BTRC: variants seen among roughly 807,000 people sequenced by gnomAD.
The protein encoded by BTRC is beta-transducin repeat containing E3 ubiquitin protein ligase.
Under a neutral mutation model 85.5 loss-of-function variants are expected in BTRC, and 42 were observed. That is an observed-to-expected ratio of 0.49 (90% CI 0.38 to 0.64). BTRC has a LOEUF of 0.64. Among genes scored for constraint, BTRC ranks in the 30% least tolerant of loss-of-function variants. The probability of loss-of-function intolerance (pLI) is 0.00; values close to 1 mark genes in which losing one functional copy is unlikely to be tolerated. For missense variants in BTRC, 594 were observed against 743.5 expected (o/e 0.80, Z 2.34); for synonymous variants, 255 against 263.3 (o/e 0.97, Z 0.30).
rs796145158 is a variant in BTRC at position 101,464,541 on chromosome 10, A to ACC, written c.234+2490_234+2491dup. 4.7e-4 allele frequency among the ~76,000 whole-genome samples: 15 copies of ACC among 31,916 alleles called. No homozygotes were observed. In the South Asian group the frequency reaches 0.012, roughly 25 times the overall value. 20.9% of individuals were successfully genotyped at this position (31,916 alleles called of 152,430 possible). ...CTTTAATTTAACAACCTTCCCCCCCACCCCCCCCATGGTGCTTTGAAATGA... is the reference window on the plus strand; with the variant it reads ...CTTTAATTTAACAACCTTCCCCCCCACCCCCCCCCCATGGTGCTTTGAAATGA... On this transcript the variant is annotated intron_variant, in intron 3 of 14. Transcript: ENST00000370187.
rs1195947969 is a variant in BTRC at position 101,554,427 on chromosome 10, T to C, written c.*1304T>C. 6.6e-6 allele frequency: 1 copy of C among 152,378 alleles called. No homozygotes were observed. Among genetic ancestry groups the C allele is most frequent in the Non-Finnish European group, 1.5e-5 (1 of 67,936 alleles). 9.4% of individuals were successfully genotyped at this position (152,378 alleles called of 1,614,324 possible). On this transcript the variant is annotated 3_prime_UTR_variant, in exon 15 of 15. Coordinates refer to ENST00000370187, the MANE Select transcript of BTRC (RefSeq NM_033637.4). Reference sequence around the variant, plus strand: ...CACTGTTTTTGTTTTTTTTGTTGTTTTGTTTTGTTTTGGCCAGTTAAATAT... The same window carrying C: ...CACTGTTTTTGTTTTTTTTGTTGTTCTGTTTTGTTTTGGCCAGTTAAATAT...
chr10:101,399,409 T>C (rs748297556), intron 1 of BTRC, among the ~76,000 whole-genome samples: 2 of 151,360 alleles, frequency 1.3e-5, no homozygotes, highest in Non-Finnish European at 2.9e-5. Flanking sequence ...GTATGACTCA[T>C]GACTTAGGTC....
intron 4 of BTRC, among the ~76,000 whole-genome samples, chr10:101,511,806 C>T (rs763565745): frequency 5.9e-5 from 9 of 152,168 alleles, no homozygotes; most frequent in African/African-American, 2.2e-4. Flanking sequence ...GGATTACAGG[C>T]GTGAGCCACC....
chr10:101,369,802 T>G (rs796536532), intron 1 of BTRC, among the ~76,000 whole-genome samples: 52 of 152,380 alleles, frequency 3.4e-4, no homozygotes, highest in African/African-American at 1.2e-3. Context: ...TTCGATAATT[T>G]CATAATTGTA....
intron 1 of BTRC, among the ~76,000 whole-genome samples, chr10:101,427,997 A>G (rs1944305788): frequency 6.6e-6 from 1 of 152,202 alleles, no homozygotes; most frequent in South Asian, 2.1e-4. Context: ...AACAGCAAGG[A>G]AGCTTTTTTT....
intron 1 of BTRC, among the ~76,000 whole-genome samples, chr10:101,356,115 G>A (rs1437363228): frequency 6.6e-6 from 1 of 152,184 alleles, no homozygotes; most frequent in Non-Finnish European, 1.5e-5. Context: ...CGATTCTCCT[G>A]CCTCAGCCTC....
chr10:101,512,088 T>C lies in BTRC; in HGVS notation c.325-9551T>C, dbSNP rs1589575287. 3.3e-5 allele frequency among the ~76,000 whole-genome samples: 5 copies of C among 152,212 alleles called. No individual in the cohort carries two copies. In the South Asian group the frequency reaches 8.3e-4, roughly 25 times the overall value. ...ACTTTGTATGCCTGTTCACAGCAGTTTCCCTATTACCTGGTAAAGTGCCCA... is the reference window on the plus strand; with the variant it reads ...ACTTTGTATGCCTGTTCACAGCAGTCTCCCTATTACCTGGTAAAGTGCCCA... On this transcript the variant is annotated intron_variant, in intron 4 of 14. Coordinates refer to ENST00000370187, the MANE Select transcript of BTRC (RefSeq NM_033637.4).
At chr10:101,370,851 G>T (rs1301562961) in intron 1 of BTRC, among the ~76,000 whole-genome samples, 1 of 151,908 alleles carries the variant, frequency 6.6e-6, no homozygotes, top group Non-Finnish European at 1.5e-5. Context: ...GGATGCTGGG[G>T]TTACAGGTGT....
chr10:101,412,264 T>C (rs1467137149), intron 1 of BTRC, among the ~76,000 whole-genome samples: 3 of 152,242 alleles, frequency 2.0e-5, no homozygotes, highest in Non-Finnish European at 4.4e-5. Context: ...ACTAATTCTT[T>C]TTAGCCTTCA....
intron 6 of BTRC, 74 bp from the exon 7 acceptor site, chr10:101,531,161 ACT>A (rs2062274724): frequency 8.2e-7 from 1 of 1,221,736 alleles, no homozygotes; most frequent in East Asian, 2.4e-5. Context: ...ACAGAGCGAG[ACT>A]CTGTCTCAAA....
chr10:101,520,967 CAAAA>C, intron 4 of BTRC, among the ~76,000 whole-genome samples: 1 of 147,104 alleles, frequency 6.8e-6, no homozygotes, highest in South Asian at 2.2e-4. Context: ...TCTCCAAAAA[CAAAA>C]AAAAAGTTGT....
At chr10:101,529,003 C>T (rs1283537128) in intron 6 of BTRC, among the ~76,000 whole-genome samples, 1 of 152,194 alleles carries the variant, frequency 6.6e-6, no homozygotes, top group Admixed American at 6.5e-5. Flanking sequence ...GCTGTCTGCT[C>T]AGTAATGGTA....
rs185660224 is a variant in BTRC at position 101,546,909 on chromosome 10, A to C, written c.1657-3790A>C. ...CCAAACAGAGAAACTAAGCCTAGGC[A>C]GATCCACTGGTGAATTCTACCAAAC... On this transcript the variant is annotated intron_variant, in intron 13 of 14. Coordinates refer to ENST00000370187, the MANE Select transcript of BTRC (RefSeq NM_033637.4). Among the ~76,000 whole-genome samples the C allele has an allele frequency of 3.8e-3, 583 of 152,364 alleles. 6 individuals are homozygous for C. The highest frequency in any genetic ancestry group is 0.013 in the African/African-American group (546 of 41,592).
At chr10:101,410,758 G>T (rs1357144487) in intron 1 of BTRC, among the ~76,000 whole-genome samples, 1 of 152,006 alleles carries the variant, frequency 6.6e-6, no homozygotes, top group South Asian at 2.1e-4. Context: ...TGTTCTTAGA[G>T]ATATGATTTA....
At chr10:101,400,747 A>G (rs532097946) in intron 1 of BTRC, among the ~76,000 whole-genome samples, 2 of 152,242 alleles carry the variant, frequency 1.3e-5, no homozygotes, top group Non-Finnish European at 2.9e-5. Flanking sequence ...GCTATGAACA[A>G]ACATGTAAAT....
At chr10:101,532,548 G>T in intron 8 of BTRC, 116 bp downstream of exon 8, 2 of 1,354,592 alleles carry the variant, frequency 1.5e-6, no homozygotes, top group South Asian at 1.8e-5. Flanking sequence ...GAAGATTTTA[G>T]ATTGTTTCCA....
At position 101,366,790 on chromosome 10, in the gene BTRC, T is replaced by TATATA. The variant is rs1448574403; in HGVS notation, c.48+12562_48+12563insATATA. 8.5e-5 allele frequency among the ~76,000 whole-genome samples: 5 copies of TATATA among 59,146 alleles called. 1 individual carries two copies. The highest frequency in any genetic ancestry group is 1.1e-3 in the East Asian group (2 of 1,870). The allele number at this position is 59,146 out of a possible 152,430, so 38.8% of individuals were successfully genotyped here. On this transcript the variant is annotated intron_variant, in intron 1 of 14. Coordinates refer to ENST00000370187, the MANE Select transcript of BTRC (RefSeq NM_033637.4). ...GTTATATATATATATATATATATAT[T>TATATA]TTTACATTTATATATATATTTATAT... is the stretch of plus-strand genomic sequence containing the variant.
intron 1 of BTRC, among the ~76,000 whole-genome samples, chr10:101,426,032 C>T (rs1457389308): frequency 1.3e-5 from 2 of 152,030 alleles, no homozygotes; most frequent in Non-Finnish European, 2.9e-5. Flanking sequence ...ATCAGAATGG[C>T]CCTGAAATGT....
At position 101,556,096 on chromosome 10, in the gene BTRC, TG is replaced by T. The variant is rs2062720674; in HGVS notation, c.*2975del. ...TAACTTCAGAGACAGGGACTCTTTT[TG>T]GATCTCTATTGACAAGTAATAAAAG... is the stretch of plus-strand genomic sequence containing the variant. On this transcript the variant is annotated 3_prime_UTR_variant, in exon 15 of 15. Coordinates refer to ENST00000370187, the MANE Select transcript of BTRC (RefSeq NM_033637.4). The T allele has an allele frequency of 6.6e-6, 1 of 152,236 alleles. No individual in the cohort carries two copies. The highest frequency in any genetic ancestry group is 1.5e-5 in the Non-Finnish European group (1 of 68,040). 9.4% of individuals were successfully genotyped at this position (152,236 alleles called of 1,614,324 possible).
Sources: gnomAD v4.1 joint callset for allele counts (sites outside exome capture counted in the v4.1 genomes callset) on GRCh38, gnomAD v4.1.1 for gene constraint, MANE v1.5 for transcripts, NCBI Gene and HGNC (gene_info 2026-07-23, HGNC 2026-07-21) for gene names.